The following NELL1 variants were observed in gnomAD, a reference collection of about 807,000 sequenced individuals.
NELL1 encodes neural EGFL like 1, also known as protein kinase C-binding protein NELL1.
A neutral mutation model predicts 107.4 loss-of-function variants in NELL1; 76 were observed. That is an observed-to-expected ratio of 0.71 (90% CI 0.59 to 0.86). The LOEUF is 0.86. Among genes scored for constraint, NELL1 ranks in the 40% least tolerant of loss-of-function variants. The pLI is 0.00. For synonymous variants in NELL1, 353 were observed against 341.2 expected (o/e 1.03, Z -0.38); for missense variants, 1,024 against 1,005.5 (o/e 1.02, Z -0.25).
intron 14 of NELL1, among the ~76,000 whole-genome samples, chr11:21,333,475 G>T (rs1850316665): frequency 1.3e-5 from 2 of 152,054 alleles, no homozygotes; most frequent in Non-Finnish European, 2.9e-5. Flanking sequence ...GAAGTCATAT[G>T]ATCTAGCCTT....
intron 13 of NELL1, among the ~76,000 whole-genome samples, chr11:21,187,641 C>T (rs1014032308): frequency 2.0e-5 from 3 of 151,772 alleles, no homozygotes; most frequent in African/African-American, 7.3e-5. Context: ...TGATTTGTCT[C>T]AGGCTCTCTT....
intron 9 of NELL1, among the ~76,000 whole-genome samples, chr11:20,931,209 C>A (rs1300613731): frequency 6.6e-6 from 1 of 151,342 alleles, no homozygotes; most frequent in African/African-American, 2.4e-5. Flanking sequence ...GAAGAATGGC[C>A]TGGGAGGGAG....
At chr11:20,873,971 C>A (rs574200029) in intron 4 of NELL1, among the ~76,000 whole-genome samples, 1 of 152,232 alleles carries the variant, frequency 6.6e-6, no homozygotes, top group East Asian at 1.9e-4. Context: ...TCCTATGTTA[C>A]CCAGGCTGGT....
At chr11:20,780,616 T>C (rs1856833092) in intron 2 of NELL1, among the ~76,000 whole-genome samples, 1 of 152,052 alleles carries the variant, frequency 6.6e-6, no homozygotes, top group South Asian at 2.1e-4. Context: ...ATAAATAATA[T>C]CAGCAAATAA....
chr11:21,379,394 A>G (rs575344739), intron 15 of NELL1, among the ~76,000 whole-genome samples: 46 of 152,230 alleles, frequency 3.0e-4, no homozygotes, highest in African/African-American at 1.0e-3. Flanking sequence ...ATTATTAAAT[A>G]AACTCTCATA....
chr11:20,843,591 T>C lies in NELL1; in HGVS notation c.336-3992T>C, dbSNP rs766669810. Among the ~76,000 whole-genome samples the C allele has an allele frequency of 8.0e-4, 71 of 88,600 alleles. 2 individuals are homozygous for C. Among genetic ancestry groups the C allele is most frequent in the Middle Eastern group, 8.4e-3 (2 of 238 alleles). The allele number at this position is 88,600 out of a possible 152,430, so 58.1% of individuals were successfully genotyped here. ...ATAAAATATAATATATTTTATATAT[T>C]ATATAAATATAAAATTTTATATAAA... On this transcript the variant is annotated intron_variant, in intron 3 of 19. Transcript: ENST00000357134.
At chr11:20,850,983 A>C (rs1012636338) in intron 4 of NELL1, among the ~76,000 whole-genome samples, 3 of 152,168 alleles carry the variant, frequency 2.0e-5, no homozygotes, top group African/African-American at 7.2e-5. Flanking sequence ...TGAGTCTGAA[A>C]CTATCTCCAA....
At chr11:20,963,786 G>T (rs117254350) in intron 12 of NELL1, among the ~76,000 whole-genome samples, 1 of 152,082 alleles carries the variant, frequency 6.6e-6, no homozygotes, top group African/African-American at 2.4e-5. Flanking sequence ...TGACTCATAC[G>T]ATAAAAACCA....
At chr11:21,401,486 C>T (rs780051458) in intron 15 of NELL1, among the ~76,000 whole-genome samples, 15 of 151,798 alleles carry the variant, frequency 9.9e-5, no homozygotes, top group Non-Finnish European at 1.5e-4. Context: ...ATCCTACTAA[C>T]ATCAGCAATT....
chr11:21,127,721 T>C (rs1855518823), intron 13 of NELL1, among the ~76,000 whole-genome samples: 1 of 152,188 alleles, frequency 6.6e-6, no homozygotes, highest in South Asian at 2.1e-4. Context: ...CTTATGTCTG[T>C]TTTCAATGCC....
chr11:21,152,973 C>T (rs1312876886), intron 13 of NELL1, among the ~76,000 whole-genome samples: 1 of 152,100 alleles, frequency 6.6e-6, no homozygotes, highest in East Asian at 1.9e-4. Flanking sequence ...CTATAATTTT[C>T]ATTTACATCA....
At chr11:21,006,726 C>T (rs1191003748) in intron 12 of NELL1, among the ~76,000 whole-genome samples, 1 of 152,046 alleles carries the variant, frequency 6.6e-6, no homozygotes, top group Non-Finnish European at 1.5e-5. Context: ...GCTTCAACTA[C>T]ATCATGTTTA....
At chr11:20,979,524 C>T (rs1851707109) in intron 12 of NELL1, among the ~76,000 whole-genome samples, 1 of 152,150 alleles carries the variant, frequency 6.6e-6, no homozygotes, top group South Asian at 2.1e-4. Context: ...TTTAAACCAG[C>T]ACTGTAAAGT....
intron 13 of NELL1, among the ~76,000 whole-genome samples, chr11:21,175,866 T>C (rs1856701639): frequency 6.6e-6 from 1 of 151,862 alleles, no homozygotes; most frequent in African/African-American, 2.4e-5. Context: ...GCCGTCCAAT[T>C]TTGCCTTACA....
chr11:20,830,637 CT>C (rs1276256080), intron 3 of NELL1, among the ~76,000 whole-genome samples: 10 of 152,102 alleles, frequency 6.6e-5, no homozygotes, highest in Admixed American at 6.5e-4. Flanking sequence ...CACCTGACTC[CT>C]GAAATAGCTT....
intron 14 of NELL1, among the ~76,000 whole-genome samples, chr11:21,232,087 G>T (rs1192133765): frequency 6.7e-6 from 1 of 148,948 alleles, no homozygotes. Flanking sequence ...TCACCTGAGG[G>T]TCAGGAGTTC....
At chr11:21,304,936 G>C (rs1339260611) in intron 14 of NELL1, among the ~76,000 whole-genome samples, 3 of 151,954 alleles carry the variant, frequency 2.0e-5, no homozygotes, top group Non-Finnish European at 4.4e-5. Flanking sequence ...GAAACAAGAA[G>C]ACATTGGTGT....
chr11:20,894,894 G>A (rs1027349702), intron 5 of NELL1, among the ~76,000 whole-genome samples: 1 of 152,124 alleles, frequency 6.6e-6, no homozygotes, highest in African/African-American at 2.4e-5. Context: ...TAGTGATCAA[G>A]TCAACGTATT....
intron 2 of NELL1, among the ~76,000 whole-genome samples, chr11:20,750,366 G>A (rs1157354520): frequency 6.6e-6 from 1 of 151,736 alleles, no homozygotes; most frequent in Non-Finnish European, 1.5e-5. Flanking sequence ...TACAGTCTCT[G>A]GCTTATCTAT....
Sources: allele counts gnomAD v4.1 joint callset (sites outside exome capture counted in the v4.1 genomes callset), GRCh38; gene constraint gnomAD v4.1.1; transcripts MANE v1.5; gene names NCBI Gene and HGNC (gene_info 2026-07-23, HGNC 2026-07-21).